Variants in PPM1E observed in about 807,000 individuals in gnomAD.
The protein encoded by PPM1E is protein phosphatase, Mg2+/Mn2+ dependent 1E.
A neutral mutation model predicts 65.9 loss-of-function variants in PPM1E; 20 were observed. The observed-to-expected ratio is 0.30, with a 90% CI of 0.21 to 0.44. The LOEUF (loss-of-function observed/expected upper bound fraction) is 0.44. Among genes scored for constraint, PPM1E ranks in the 20% least tolerant of loss-of-function variants. The probability of loss-of-function intolerance (pLI) is 1.00; values close to 1 mark genes in which losing one functional copy is unlikely to be tolerated. For synonymous variants in PPM1E, 352 were observed against 374.9 expected (o/e 0.94, Z 0.70); for missense variants, 713 against 953.1 (o/e 0.75, Z 3.32).
At chr17:58,974,277 CATAA>C (rs1567896650) in intron 6 of PPM1E, among the ~76,000 whole-genome samples, 1 of 152,090 alleles carries the variant, frequency 6.6e-6, no homozygotes, top group Non-Finnish European at 1.5e-5. Context: ...TTTAAAATGA[CATAA>C]ATAACAGAAT....
At chr17:58,836,787 C>T (rs1449359982) in intron 1 of PPM1E, among the ~76,000 whole-genome samples, 44 of 148,336 alleles carry the variant, frequency 3.0e-4, no homozygotes, top group Non-Finnish European at 4.9e-4. Flanking sequence ...TTTGGGAGGC[C>T]GAGACGGGCG....
intron 1 of PPM1E, among the ~76,000 whole-genome samples, chr17:58,902,994 C>T: frequency 6.6e-6 from 1 of 152,110 alleles, no homozygotes; most frequent in African/African-American, 2.4e-5. Context: ...TATGGGAACA[C>T]ATAGAAAAGA....
At chr17:58,931,192 G>C (rs2143569251) in intron 1 of PPM1E, among the ~76,000 whole-genome samples, 1 of 151,902 alleles carries the variant, frequency 6.6e-6, no homozygotes, top group African/African-American at 2.4e-5. Context: ...TTCGAGACCA[G>C]CCTGACCAAC....
intron 1 of PPM1E, among the ~76,000 whole-genome samples, chr17:58,904,465 G>T (rs1449889364): frequency 3.3e-5 from 5 of 152,264 alleles, no homozygotes; most frequent in South Asian, 4.1e-4. Context: ...ATTCTGCAAA[G>T]AATTTGAAAG....
intron 4 of PPM1E, among the ~76,000 whole-genome samples, chr17:58,970,995 A>G (rs1291764303): frequency 6.6e-6 from 1 of 151,754 alleles, no homozygotes; most frequent in East Asian, 1.9e-4. Context: ...TTTTCTGACC[A>G]TGTTTACCTC....
intron 1 of PPM1E, among the ~76,000 whole-genome samples, chr17:58,945,426 A>T (rs1295662669): frequency 1.3e-5 from 2 of 152,188 alleles, no homozygotes; most frequent in Admixed American, 6.5e-5. Flanking sequence ...TACAGGCGTG[A>T]GCCACCTTGC....
rs199578404 is a variant in PPM1E at position 58,930,272 on chromosome 17, C to G, written c.465-25377C>G. Among the ~76,000 whole-genome samples the G allele has an allele frequency of 2.7e-5, 4 of 150,282 alleles. No homozygotes were observed. The East Asian group carries it at 7.7e-4, about 29-fold the overall frequency. On this transcript the variant is annotated intron_variant, in intron 1 of 6. Transcript: ENST00000308249. ...ATATACACACACACACACACACACA[C>G]ACACACACACACAGACACACACACA...
chr17:58,869,589 A>G (rs2051046791), intron 1 of PPM1E, among the ~76,000 whole-genome samples: 1 of 152,182 alleles, frequency 6.6e-6, no homozygotes, highest in South Asian at 2.1e-4. Flanking sequence ...CACCAGAGGC[A>G]AATGCTGGCA....
intron 1 of PPM1E, among the ~76,000 whole-genome samples, chr17:58,828,789 G>A (rs1196017681): frequency 6.6e-6 from 1 of 151,508 alleles, no homozygotes; most frequent in African/African-American, 2.4e-5. Flanking sequence ...GTTTCTTCTG[G>A]GATTTACCTG....
chr17:58,959,750 G>A (rs2029973686), intron 2 of PPM1E, among the ~76,000 whole-genome samples: 1 of 151,710 alleles, frequency 6.6e-6, no homozygotes, highest in Non-Finnish European at 1.5e-5. Flanking sequence ...TTTTATTGAG[G>A]GCCTACTATA....
chr17:58,872,480 A>G (rs1411449182), intron 1 of PPM1E, among the ~76,000 whole-genome samples: 2 of 152,200 alleles, frequency 1.3e-5, no homozygotes, highest in Non-Finnish European at 2.9e-5. Context: ...GACAGATATC[A>G]CTGGAGGTCT....
chr17:58,811,088 C>T (rs1485612057), intron 1 of PPM1E, among the ~76,000 whole-genome samples: 1 of 152,060 alleles, frequency 6.6e-6, no homozygotes, highest in African/African-American at 2.4e-5. Flanking sequence ...GAATTCCTGA[C>T]CTCAAGTGAT....
chr17:58,852,096 C>A (rs1002713786), intron 1 of PPM1E, among the ~76,000 whole-genome samples: 9 of 152,212 alleles, frequency 5.9e-5, no homozygotes, highest in African/African-American at 2.2e-4. Context: ...GGGATATAAT[C>A]TCCTGGTGTG....
At chr17:58,832,388 C>T (rs1258021141) in intron 1 of PPM1E, among the ~76,000 whole-genome samples, 1 of 152,058 alleles carries the variant, frequency 6.6e-6, no homozygotes, top group Non-Finnish European at 1.5e-5. Context: ...AAACCTAGCA[C>T]TCCTGGTATG....
intron 1 of PPM1E, among the ~76,000 whole-genome samples, chr17:58,872,136 A>G (rs531775713): frequency 2.9e-4 from 44 of 152,232 alleles, no homozygotes; most frequent in Middle Eastern, 3.4e-3. Context: ...TGTCTCTACT[A>G]AAAATACAAA....
At chr17:58,781,896 A>T (rs577358749) in intron 1 of PPM1E, among the ~76,000 whole-genome samples, 24 of 152,294 alleles carry the variant, frequency 1.6e-4, no homozygotes, top group African/African-American at 4.1e-4. Context: ...AAAAGAAAAA[A>T]AAAATAAAAT....
At chr17:58,763,882 T>G (rs899069256) in intron 1 of PPM1E, among the ~76,000 whole-genome samples, 29 of 152,090 alleles carry the variant, frequency 1.9e-4, no homozygotes, top group Non-Finnish European at 4.3e-4. Flanking sequence ...TAATGATTTA[T>G]AAGATCACTA....
chr17:58,849,794 A>T (rs1013182560), intron 1 of PPM1E, among the ~76,000 whole-genome samples: 1 of 151,464 alleles, frequency 6.6e-6, no homozygotes, highest in African/African-American at 2.4e-5. Flanking sequence ...AGGTCTGCAG[A>T]TGTCTATTAG....
At chr17:58,865,071 G>A (rs544653258) in intron 1 of PPM1E, among the ~76,000 whole-genome samples, 13 of 152,060 alleles carry the variant, frequency 8.5e-5, no homozygotes, top group Non-Finnish European at 1.5e-4. Context: ...TCCATCCTAT[G>A]AGGGAGAAGT....
Sources: allele counts gnomAD v4.1 joint callset (sites outside exome capture counted in the v4.1 genomes callset), GRCh38; gene constraint gnomAD v4.1.1; transcripts MANE v1.5; gene names NCBI Gene and HGNC (gene_info 2026-07-23, HGNC 2026-07-21).